Variants in ZP2 observed in about 807,000 individuals in gnomAD.
The protein encoded by ZP2 is zona pellucida glycoprotein 2.
A neutral mutation model predicts 84.0 loss-of-function variants in ZP2; 51 were observed. The ratio of observed to expected loss-of-function variants is 0.61; its 90% CI spans 0.49 to 0.77. The LOEUF is 0.77. Ranked by LOEUF, ZP2 falls within the 30% of genes least tolerant of loss-of-function variation. The pLI is 0.00. For missense variants in ZP2, 909 were observed against 911.9 expected (o/e 1.00, Z 0.04); for synonymous variants, 375 against 330.9 (o/e 1.13, Z -1.45).
At chr16:21,198,001 G>A (rs555927821) in intron 17 of ZP2, 152 bp from the exon 18 acceptor site, 11 of 664,796 alleles carry the variant, frequency 1.7e-5, no homozygotes, top group African/African-American at 1.4e-4. Flanking sequence ...ACTTAAGTTT[G>A]GCCATAGCAT....
In ZP2 at chr16:21,209,560, G is replaced by A. The variant is rs113251509; in HGVS notation, c.330+71C>T. The A allele has an allele frequency of 2.1e-6, 3 of 1,443,326 alleles. 1 individual carries two copies. The highest frequency in any genetic ancestry group is 2.3e-5 in the South Asian group (2 of 85,598). 89.4% of individuals were successfully genotyped at this position (1,443,326 alleles called of 1,614,324 possible). On this transcript the variant is annotated intron_variant, in intron 4 of 18. Coordinates refer to ENST00000574091, the MANE Select transcript of ZP2 (RefSeq NM_001376232.1). ...CTTTACTCCAAAGAGAAAGTTCTTAGCCAAGTTTACTGCCAGTAACTCTTA... is the reference window on the plus strand; with the variant it reads ...CTTTACTCCAAAGAGAAAGTTCTTAACCAAGTTTACTGCCAGTAACTCTTA...
chr16:21,206,485 C>G (rs928088505), intron 5 of ZP2, among the ~76,000 whole-genome samples: 2 of 152,128 alleles, frequency 1.3e-5, no homozygotes, highest in African/African-American at 4.8e-5. Context: ...GTTTTGTTCA[C>G]TTATTGTATC....
chr16:21,205,619 C>G (rs1189340126), intron 6 of ZP2, 35 bp from the exon 7 acceptor site: 1 of 1,612,916 alleles, frequency 6.2e-7, no homozygotes, highest in African/African-American at 1.3e-5. Flanking sequence ...AGGGCTGGTG[C>G]TCCCTTAACC....
intron 4 of ZP2, among the ~76,000 whole-genome samples, chr16:21,208,213 C>T (rs1024700743): frequency 2.6e-5 from 4 of 152,200 alleles, no homozygotes; most frequent in African/African-American, 9.6e-5. Flanking sequence ...GCAAGCCTGC[C>T]TCAGAAAGAG....
chr16:21,203,767 G>C, intron 9 of ZP2: 1 of 527,798 alleles, frequency 1.9e-6, no homozygotes, highest in South Asian at 2.1e-5. Context: ...CTACTCAGTT[G>C]GGGCCTTAGA....
chr16:21,205,864 C>G lies in ZP2; in HGVS notation c.484-89G>C. 3.0e-6 allele frequency: 4 copies of G among 1,329,340 alleles called. No homozygotes were observed. The Admixed American group carries it at 7.2e-5, about 24-fold the overall frequency. 82.3% of individuals were successfully genotyped at this position (1,329,340 alleles called of 1,614,324 possible). ...AGAAATTGCTGTGTGGTTGTCATAC[C>G]AAAAGGCCTGCTGTGGGATGCAGTG... On this transcript the variant is annotated intron_variant, in intron 5 of 18. Transcript: ENST00000574091.
upstream of ZP2, among the ~76,000 whole-genome samples, chr16:21,212,274 C>A (rs2093278430): frequency 6.6e-6 from 1 of 152,118 alleles, no homozygotes; most frequent in Non-Finnish European, 1.5e-5. Flanking sequence ...GCAGAAGTTA[C>A]CCTGATAATG....
rs1188129548 is a variant in ZP2 at position 21,201,417 on chromosome 16, G to A, written c.1646C>T (p.Ser549Phe). 6.2e-7 allele frequency: 1 copy of A among 1,607,326 alleles called. No homozygotes were observed. The highest frequency in any genetic ancestry group is 2.2e-5 in the East Asian group (1 of 44,746). The change falls in exon 14 of 19, where the codon TCC becomes TTC. Residue 549 changes from serine to phenylalanine, a missense_variant. By Grantham distance (155) the Ser-to-Phe change is radical. Transcript: ENST00000574091. ...KLVLDDCWAT[S>F]TMDPDSFPQW... is the part of the protein sequence containing the mutation. ...GGGGAAAGAGTCTGGATCCATGGTG[G>A]ACGTCGCCCAGCAGTCATCTAAGAC... is the stretch of plus-strand genomic sequence containing the variant.
intron 7 of ZP2, among the ~76,000 whole-genome samples, chr16:21,204,869 A>G (rs2093242483): frequency 6.6e-6 from 1 of 152,196 alleles, no homozygotes; most frequent in Non-Finnish European, 1.5e-5. Flanking sequence ...CTATAAAACA[A>G]TATAGGACAA....
intron 1 of ZP2, 40 bp downstream of exon 1, chr16:21,211,446 A>G: frequency 6.2e-7 from 1 of 1,614,036 alleles, no homozygotes; most frequent in Non-Finnish European, 8.5e-7. Flanking sequence ...TAACAAACAA[A>G]GCTACCATAC....
intron 14 of ZP2, among the ~76,000 whole-genome samples, chr16:21,201,063 G>C (rs1374211720): frequency 2.6e-5 from 4 of 152,154 alleles, no homozygotes; most frequent in Admixed American, 2.6e-4. Flanking sequence ...GCTGGGCTTG[G>C]TGGTGTGCCC....
rs113200604 is a variant in ZP2 at position 21,208,737 on chromosome 16, T to C, written c.330+894A>G. On this transcript the variant is annotated intron_variant, in intron 4 of 18. Coordinates refer to ENST00000574091, the MANE Select transcript of ZP2 (RefSeq NM_001376232.1). Reference sequence around the variant, plus strand: ...AGATTTCTATTTGCTAGCACCAAAATAGCCTTCCATCTCATGTTGGGGTTC... The same window carrying C: ...AGATTTCTATTTGCTAGCACCAAAACAGCCTTCCATCTCATGTTGGGGTTC... Among the ~76,000 whole-genome samples the C allele has an allele frequency of 9.5e-3, 1,448 of 152,338 alleles. 27 individuals carry two copies. The highest frequency in any genetic ancestry group is 0.033 in the African/African-American group (1,376 of 41,582).
chr16:21,206,036 C>A, intron 5 of ZP2: 1 of 497,400 alleles, frequency 2.0e-6, no homozygotes, highest in Non-Finnish European at 3.6e-6. Flanking sequence ...TTTCGCTCAT[C>A]GCCCAGGCTG....
At chr16:21,207,635 A>AACAC (rs10530241) in intron 4 of ZP2, among the ~76,000 whole-genome samples, 3,215 of 143,776 alleles carry the variant, frequency 0.022, 45 homozygotes, top group Non-Finnish European at 0.035. Flanking sequence ...ATATATATTA[A>AACAC]ACACACACAC....
Position 21,203,371 on chromosome 16 carries a change from C to T in ZP2, c.973-120G>A, listed in dbSNP as rs142542252. On this transcript the variant is annotated intron_variant, in intron 9 of 18. Transcript: ENST00000574091. ...ACACACTCCAGACTTATCTGGGCTC[C>T]CTTTAAACCAAAACAAGAGAGACCC... is the stretch of plus-strand genomic sequence containing the variant. 13 of 1,324,420 alleles carry T rather than the reference C, an allele frequency of 9.8e-6. No homozygotes were observed. The African/African-American group carries it at 1.3e-4, about 13-fold the overall frequency. 82.0% of individuals were successfully genotyped at this position (1,324,420 alleles called of 1,614,324 possible).
At position 21,211,460 on chromosome 16, in the gene ZP2, C is replaced by T. The variant is rs111906356; in HGVS notation, c.62+26G>A. Reference sequence around the variant, plus strand: ...TTAACAAACAAAGCTACCATACCCCCTCCCTCCACTTCCAGAATTACTCAC... The same window carrying T: ...TTAACAAACAAAGCTACCATACCCCTTCCCTCCACTTCCAGAATTACTCAC... On this transcript the variant is annotated intron_variant, in intron 1 of 18. Coordinates refer to ENST00000574091, the MANE Select transcript of ZP2 (RefSeq NM_001376232.1). 1,054 of 1,614,046 alleles carry T rather than the reference C, an allele frequency of 6.5e-4. 3 individuals carry two copies. The African/African-American group carries it at 0.012, about 18-fold the overall frequency.
chr16:21,214,064 T>A (rs1242358300), upstream of ZP2, among the ~76,000 whole-genome samples: 1 of 151,716 alleles, frequency 6.6e-6, no homozygotes, highest in Non-Finnish European at 1.5e-5. Flanking sequence ...GAGCGGGAAG[T>A]TTTTGCCTTG....
chr16:21,197,590 C>G lies in ZP2; in HGVS notation c.2128G>C (p.Gly710Arg), dbSNP rs747158847. The G allele has an allele frequency of 6.2e-7, 1 of 1,614,094 alleles. No homozygotes were observed. Among genetic ancestry groups the G allele is most frequent in the Non-Finnish European group, 8.5e-7 (1 of 1,180,044 alleles). Residue 710 changes from glycine (G) to arginine (R), a missense_variant, in exon 19 of 19, where the codon GGA becomes CGA. By Grantham distance (125) the Gly-to-Arg change is moderately radical. Coordinates refer to ENST00000574091, the MANE Select transcript of ZP2 (RefSeq NM_001376232.1). The part of the protein sequence containing the change: ...AMDTKGHKTA[G>R]DVGSKAVAAV... ...GCCACAGCTTTGGAACCAACATCTC[C>G]AGCAGTCTTGTGCCCTTTGGTGTCC...
intron 7 of ZP2, among the ~76,000 whole-genome samples, chr16:21,205,086 G>A (rs541297272): frequency 2.0e-4 from 31 of 152,240 alleles, no homozygotes; most frequent in Non-Finnish European, 4.0e-4. Flanking sequence ...GGGTTCAAGC[G>A]ATTCTCCCAC....
Sources: allele counts gnomAD v4.1 joint callset (sites outside exome capture counted in the v4.1 genomes callset), GRCh38; gene constraint gnomAD v4.1.1; transcripts MANE v1.5; gene names NCBI Gene and HGNC (gene_info 2026-07-23, HGNC 2026-07-21).